Variants in FAXC observed in about 807,000 individuals in gnomAD.
FAXC encodes failed axon connections homolog, metaxin like GST domain containing.
A neutral mutation model predicts 41.9 loss-of-function variants in FAXC; 10 were observed. The observed-to-expected ratio is 0.24, with a 90% confidence interval of 0.15 to 0.41. The LOEUF is 0.41. Among genes scored for constraint, FAXC ranks in the 10% least tolerant of loss-of-function variants. The pLI, the probability that FAXC is intolerant of heterozygous loss-of-function variation, is 1.00. For missense variants in FAXC, 399 were observed against 510.9 expected, an observed-to-expected ratio of 0.78 and a Z score of 2.11; for synonymous variants, 183 against 183.8, an observed-to-expected ratio of 1.00 and a Z score of 0.03.
At chr6:99,288,859 T>TACACACACACACAC (rs55895848) in intron 5 of FAXC, among the ~76,000 whole-genome samples, 12,912 of 145,682 alleles carry the variant, frequency 0.089, 809 homozygotes, top group African/African-American at 0.15. Flanking sequence ...CACACACACA[T>TACACACACACACAC]ACACACACAC....
chr6:99,318,302 C>CAAAAA lies in FAXC; in HGVS notation c.823+5141_823+5142insTTTTT, dbSNP rs1328926883. ...ACACACACACACACACACACACACA[C>CAAAAA]ACACAAAATAGAAGAAATGGAAAAT... On this transcript the variant is annotated intron_variant, in intron 4 of 5. Transcript: ENST00000389677. Among the ~76,000 whole-genome samples the CAAAAA allele has an allele frequency of 1.2e-4, 13 of 104,628 alleles. 1 individual carries two copies. Among genetic ancestry groups the CAAAAA allele is most frequent in the East Asian group, 2.7e-4 (1 of 3,730 alleles). 68.6% of individuals were successfully genotyped at this position (104,628 alleles called of 152,430 possible). A position where few individuals can be genotyped will look rare whatever the true frequency, so the allele number is the denominator to read the frequency against.
intron 5 of FAXC, among the ~76,000 whole-genome samples, chr6:99,290,101 C>CCACACACACACACACACACA (rs34319104): frequency 2.1e-5 from 3 of 142,480 alleles, no homozygotes; most frequent in African/African-American, 8.0e-5. Flanking sequence ...CCCTACCCCA[C>CCACACACACACACACACACA]CACACACACA....
chr6:99,306,824 T>C (rs1432276549), intron 4 of FAXC, among the ~76,000 whole-genome samples: 1 of 152,194 alleles, frequency 6.6e-6, no homozygotes, highest in Non-Finnish European at 1.5e-5. Flanking sequence ...ATGAAATAAG[T>C]TAATACCTGA....
rs367574072 is a variant in FAXC at position 99,323,583 on chromosome 6, G to T, written c.684C>A (p.Asn228Lys). ...LSLSGGGPFS[N>K]LLRWVVCHIT... ...TGTGGCACACAACCCACCTCAGCAG[G>T]TTGCTGAAGGGACCACCACCACTAA... Residue 228 changes from asparagine (N) to lysine (K), a missense_variant, in exon 4 of 6, where the codon AAC becomes AAA. Physicochemically the swap from Asn to Lys is moderately conservative, Grantham distance 94. Transcript: ENST00000389677. 1.2e-6 allele frequency: 2 copies of T among 1,614,174 alleles called. No homozygotes were observed. The highest frequency in any genetic ancestry group is 1.3e-5 in the African/African-American group (1 of 75,052).
Position 99,324,197 on chromosome 6 carries a change from T to TAA in FAXC, c.600-532_600-531dup, listed in dbSNP as rs11374266. Among the ~76,000 whole-genome samples, 1,098 of 148,246 alleles carry TAA rather than the reference T, an allele frequency of 7.4e-3. 8 individuals carry two copies. The highest frequency in any genetic ancestry group is 0.011 in the Non-Finnish European group (769 of 67,052). On this transcript the variant is annotated intron_variant, in intron 3 of 5. Coordinates refer to ENST00000389677, the MANE Select transcript of FAXC (RefSeq NM_032511.4). ...TTTACATTTCATGACATAAAAGAGT[T>TAA]AAAAAAAAAAAGAAAAATTTCTGAA...
intron 2 of FAXC, among the ~76,000 whole-genome samples, chr6:99,339,365 T>C (rs1331836798): frequency 6.6e-6 from 1 of 152,238 alleles, no homozygotes; most frequent in African/African-American, 2.4e-5. Flanking sequence ...TTTCTTTTTT[T>C]AAACTCCCTC....
At position 99,300,188 on chromosome 6, in the gene FAXC, C is replaced by T. The variant is rs190790557; in HGVS notation, c.824-8368G>A. Among the ~76,000 whole-genome samples, 8 of 152,256 alleles carry T rather than the reference C, an allele frequency of 5.3e-5. No individual in the cohort carries two copies. In the East Asian group the frequency reaches 9.6e-4, roughly 18 times the overall value. ...TGAAAGCAGGAAGGACATAAATCCC[C>T]GACTCTAAGCAAAGGGTTGTGTATC... On this transcript the variant is annotated intron_variant, in intron 4 of 5. Transcript: ENST00000389677.
At chr6:99,327,570 A>C (rs1408133268) in intron 3 of FAXC, among the ~76,000 whole-genome samples, 1 of 151,944 alleles carries the variant, frequency 6.6e-6, no homozygotes, top group Non-Finnish European at 1.5e-5. Context: ...ACATATTCCC[A>C]AGATCTCTAT....
At chr6:99,285,528 A>T (rs1771000788) in intron 5 of FAXC, among the ~76,000 whole-genome samples, 2 of 152,182 alleles carry the variant, frequency 1.3e-5, no homozygotes, top group Admixed American at 1.3e-4. Context: ...GCACAAAAGG[A>T]TTTACATTAA....
chr6:99,345,325 C>A lies in FAXC; in HGVS notation c.267-2292G>T, dbSNP rs1204838287. ...CATGTCACGTGTTATCTCATTTAATCAATGCTATGAGAAAAGCTACTACTA... is the reference window on the plus strand; with the variant it reads ...CATGTCACGTGTTATCTCATTTAATAAATGCTATGAGAAAAGCTACTACTA... On this transcript the variant is annotated intron_variant, in intron 1 of 5. Transcript: ENST00000389677. Among the ~76,000 whole-genome samples the A allele has an allele frequency of 3.9e-5, 6 of 152,162 alleles. No individual in the cohort carries two copies. The South Asian group carries it at 1.2e-3, about 32-fold the overall frequency.
At chr6:99,303,670 C>T (rs1464109277) in intron 4 of FAXC, among the ~76,000 whole-genome samples, 3 of 152,216 alleles carry the variant, frequency 2.0e-5, no homozygotes, top group Non-Finnish European at 4.4e-5. Flanking sequence ...TTACCAACAA[C>T]ATGGGAGAGC....
rs1183197557 is a variant in FAXC at position 99,284,554 on chromosome 6, AGTGTCT to A, written c.941-3107_941-3102del. ...TTGGCAGCAGAAACAGGTTGTGTGG[AGTGTCT>A]GTGTGTGTGTGTGTGTGTGTGTGTG... On this transcript the variant is annotated intron_variant, in intron 5 of 5. Coordinates refer to ENST00000389677, the MANE Select transcript of FAXC (RefSeq NM_032511.4). 4.0e-3 allele frequency among the ~76,000 whole-genome samples: 417 copies of A among 104,560 alleles called. 2 individuals carry two copies. The highest frequency in any genetic ancestry group is 1.0e-2 in the African/African-American group (249 of 25,010). 68.6% of individuals were successfully genotyped at this position (104,560 alleles called of 152,430 possible). A position where few individuals can be genotyped will look rare whatever the true frequency, so the allele number is the denominator to read the frequency against.
intron 2 of FAXC, among the ~76,000 whole-genome samples, chr6:99,336,646 T>C (rs1263499528): frequency 6.6e-6 from 1 of 152,180 alleles, no homozygotes; most frequent in African/African-American, 2.4e-5. Context: ...GCCATAGGCT[T>C]TGGATTTCAA....
chr6:99,318,425 T>C (rs907531937), intron 4 of FAXC, among the ~76,000 whole-genome samples: 8 of 152,108 alleles, frequency 5.3e-5, no homozygotes, highest in African/African-American at 1.9e-4. Flanking sequence ...AGCAATGGGT[T>C]AGAAGATTAC....
chr6:99,315,306 C>T (rs1252381240), intron 4 of FAXC, among the ~76,000 whole-genome samples: 1 of 147,236 alleles, frequency 6.8e-6, no homozygotes, highest in Non-Finnish European at 1.5e-5. Flanking sequence ...AGAACCACCT[C>T]TTCATCACTA....
intron 2 of FAXC, among the ~76,000 whole-genome samples, chr6:99,341,849 C>A (rs1046120445): frequency 3.3e-5 from 5 of 152,014 alleles, no homozygotes; most frequent in African/African-American, 1.2e-4. Context: ...TCAGTGAATT[C>A]CAAGGAATCA....
intron 2 of FAXC, among the ~76,000 whole-genome samples, chr6:99,337,783 A>G (rs1773267297): frequency 6.6e-6 from 1 of 152,262 alleles, no homozygotes; most frequent in Non-Finnish European, 1.5e-5. Flanking sequence ...TGTGTTCAAT[A>G]CATTGAGCTT....
At chr6:99,327,396 C>T (rs1326311737) in intron 3 of FAXC, among the ~76,000 whole-genome samples, 1 of 152,168 alleles carries the variant, frequency 6.6e-6, no homozygotes, top group Non-Finnish European at 1.5e-5. Context: ...GGAGCCTCTA[C>T]CCCAACTACT....
At chr6:99,287,836 A>G (rs143699593) in intron 5 of FAXC, among the ~76,000 whole-genome samples, 1 of 152,182 alleles carries the variant, frequency 6.6e-6, no homozygotes, top group South Asian at 2.1e-4. Context: ...GTTTGGCTGC[A>G]TGTTATCAGC....
Sources: gnomAD v4.1 joint callset for allele counts (sites outside exome capture counted in the v4.1 genomes callset) on GRCh38, gnomAD v4.1.1 for gene constraint, MANE v1.5 for transcripts, NCBI Gene and HGNC (gene_info 2026-07-23, HGNC 2026-07-21) for gene names.